The following GABRR2 variants were observed in gnomAD, a reference collection of about 807,000 sequenced individuals.
GABRR2 encodes the protein gamma-aminobutyric acid type A receptor subunit rho2, also known as gamma-aminobutyric acid receptor subunit rho-2.
In GABRR2, 36 loss-of-function variants were observed where a neutral mutation model predicts 47.0. The ratio of observed to expected loss-of-function variants is 0.77; its 90% CI spans 0.59 to 1.01. The LOEUF is 1.01. Ranked by LOEUF, GABRR2 falls within the 50% of genes least tolerant of loss-of-function variation. GABRR2 has a pLI of 0.00. For missense variants in GABRR2, 587 were observed against 594.6 expected (o/e 0.99, Z 0.13); for synonymous variants, 204 against 227.5 (o/e 0.90, Z 0.93).
chr6:89,267,570 A>G (rs1229403443), intron 6 of GABRR2, 109 bp downstream of exon 6: 4 of 1,176,540 alleles, frequency 3.4e-6, no homozygotes, highest in Non-Finnish European at 3.6e-6. Context: ...TTGTCTCAAA[A>G]CAAAAAACAA....
In GABRR2 at chr6:89,256,564, T is replaced by C. The variant is rs1773603460; in HGVS notation, c.*1106A>G. ...TATGCCCTTGGAATGTCCTGTGAGA[T>C]AGAAGGGTCTTTGTCTACTGGGGCC... On this transcript the variant is annotated 3_prime_UTR_variant, in exon 9 of 9. Transcript: ENST00000402938. 6.6e-6 allele frequency among the ~76,000 whole-genome samples: 1 copy of C among 152,174 alleles called. No homozygotes were observed. The highest frequency in any genetic ancestry group is 2.4e-5 in the African/African-American group (1 of 41,442).
At chr6:89,267,580 A>G (rs1773928195) in intron 6 of GABRR2, 99 bp downstream of exon 6, 1 of 1,222,162 alleles carries the variant, frequency 8.2e-7, no homozygotes. Context: ...ACAAAAAACA[A>G]AACACACACA....
At position 89,300,226 on chromosome 6, in the gene GABRR2, G is replaced by A. The variant is rs139758111; in HGVS notation, c.114-361C>T. Among the ~76,000 whole-genome samples, 128 of 152,228 alleles carry A rather than the reference G, an allele frequency of 8.4e-4. 2 individuals carry two copies. In the East Asian group the frequency reaches 0.023, roughly 28 times the overall value. On this transcript the variant is annotated intron_variant, in intron 1 of 8. Transcript: ENST00000402938. ...ATAAACACAATTAGAAATGAGAAAGGGGGCTAGGTGCAGTGGCTCACACCT... is the reference window on the plus strand; with the variant it reads ...ATAAACACAATTAGAAATGAGAAAGAGGGCTAGGTGCAGTGGCTCACACCT...
intron 6 of GABRR2, among the ~76,000 whole-genome samples, chr6:89,266,653 G>A (rs9451192): frequency 0.33 from 49,499 of 152,054 alleles, 8,484 homozygotes; most frequent in East Asian, 0.6. Flanking sequence ...CCAGGCGAGT[G>A]TACAGTTCAC....
intron 1 of GABRR2, among the ~76,000 whole-genome samples, chr6:89,301,274 A>G (rs1280348889): frequency 6.6e-6 from 1 of 152,170 alleles, no homozygotes; most frequent in African/African-American, 2.4e-5. Flanking sequence ...CGTCATACTA[A>G]ATGGGCAAAT....
At chr6:89,280,220 AT>A (rs1220784400) in intron 2 of GABRR2, among the ~76,000 whole-genome samples, 1 of 22,516 alleles carries the variant, frequency 4.4e-5, no homozygotes, top group Non-Finnish European at 8.8e-5. Context: ...AAATATATAT[AT>A]ATATATATAT....
At chr6:89,311,141 G>A (rs1767674704) in intron 1 of GABRR2, among the ~76,000 whole-genome samples, 1 of 152,196 alleles carries the variant, frequency 6.6e-6, no homozygotes, top group South Asian at 2.1e-4. Context: ...ACCGTGTGAG[G>A]TGCCACGTGC....
intron 2 of GABRR2, among the ~76,000 whole-genome samples, chr6:89,274,839 G>A (rs1163928493): frequency 1.3e-5 from 2 of 151,922 alleles, no homozygotes; most frequent in East Asian, 1.9e-4. Flanking sequence ...CTGCACTCCA[G>A]CATGGGCAAT....
intron 1 of GABRR2, among the ~76,000 whole-genome samples, chr6:89,300,745 C>CAAAAAAA (rs56360515): frequency 3.9e-5 from 3 of 76,406 alleles, no homozygotes; most frequent in African/African-American, 1.1e-4. Context: ...GCGTACCAAC[C>CAAAAAAA]AAAAAAAAAA....
Position 89,257,508 on chromosome 6 carries a change from T to C in GABRR2, c.*162A>G. ...CCACGGGGTCTGGGGTCAGGGCAGC[T>C]GGAAGGCTCCTGGGCTTCTCTGAGA... On this transcript the variant is annotated 3_prime_UTR_variant, in exon 9 of 9. Transcript: ENST00000402938. 1 of 634,186 alleles carries C rather than the reference T, an allele frequency of 1.6e-6. No individual in the cohort carries two copies. The highest frequency in any genetic ancestry group is 2.7e-6 in the Non-Finnish European group (1 of 368,946). 39.3% of individuals were successfully genotyped at this position (634,186 alleles called of 1,614,324 possible).
At chr6:89,275,569 A>G (rs1007345448) in intron 2 of GABRR2, among the ~76,000 whole-genome samples, 1 of 152,222 alleles carries the variant, frequency 6.6e-6, no homozygotes, top group African/African-American at 2.4e-5. Flanking sequence ...CCAATGTGCC[A>G]GAAGAAAAAC....
chr6:89,271,967 T>C (rs1013448187), intron 2 of GABRR2, among the ~76,000 whole-genome samples: 1 of 152,224 alleles, frequency 6.6e-6, no homozygotes, highest in South Asian at 2.1e-4. Context: ...TCCATGCTTA[T>C]TGGATGAATC....
Position 89,255,063 on chromosome 6 carries a change from GC to G in GABRR2, c.*2606del, listed in dbSNP as rs1406558180. 6.6e-6 allele frequency among the ~76,000 whole-genome samples: 1 copy of G among 152,222 alleles called. No individual in the cohort carries two copies. Among genetic ancestry groups the G allele is most frequent in the Non-Finnish European group, 1.5e-5 (1 of 68,042 alleles). On this transcript the variant is annotated 3_prime_UTR_variant, in exon 9 of 9. Coordinates refer to ENST00000402938, the MANE Select transcript of GABRR2 (RefSeq NM_002043.5). ...GGTTGGAATTAAATAAGACTTACAA[GC>G]AAAGCAATATGATATATTTAATGAC...
intron 2 of GABRR2, among the ~76,000 whole-genome samples, chr6:89,287,170 C>G (rs1397188958): frequency 1.3e-5 from 2 of 152,128 alleles, no homozygotes; most frequent in African/African-American, 4.8e-5. Flanking sequence ...ACTTGTAGTC[C>G]AGGGGTCAAA....
chr6:89,257,552 T>C lies in GABRR2; in HGVS notation c.*118A>G. The C allele has an allele frequency of 3.8e-6, 3 of 797,058 alleles. No individual in the cohort carries two copies. The highest frequency in any genetic ancestry group is 3.6e-5 in the South Asian group (2 of 55,156). The allele number at this position is 797,058 out of a possible 1,614,324, so 49.4% of individuals were successfully genotyped here. On this transcript the variant is annotated 3_prime_UTR_variant, in exon 9 of 9. Transcript: ENST00000402938. ...TCTGAGAGATGAGTGCTGCTCAGGGTGGTCCAGTAGCTGCTGCATTGTTTG... is the reference window on the plus strand; with the variant it reads ...TCTGAGAGATGAGTGCTGCTCAGGGCGGTCCAGTAGCTGCTGCATTGTTTG...
rs1308512160 is a variant in GABRR2, at chr6:89,292,758, T to TCTCTG, written c.220+7000_220+7001insCAGAG. 0.026 allele frequency among the ~76,000 whole-genome samples: 1,961 copies of TCTCTG among 76,140 alleles called. 483 individuals carry two copies. In the East Asian group the frequency reaches 0.29, roughly 11 times the overall value. 50.0% of individuals were successfully genotyped at this position (76,140 alleles called of 152,430 possible). Reference sequence around the variant, plus strand: ...ATCATATATAATCGTATATATCGTATATACGATATATCGTATATATCGTAT... The same window carrying TCTCTG: ...ATCATATATAATCGTATATATCGTATCTCTGATACGATATATCGTATATATCGTAT... On this transcript the variant is annotated intron_variant, in intron 2 of 8. Coordinates refer to ENST00000402938, the MANE Select transcript of GABRR2 (RefSeq NM_002043.5).
intron 2 of GABRR2, among the ~76,000 whole-genome samples, chr6:89,273,551 C>A (rs1223867442): frequency 6.6e-6 from 1 of 152,158 alleles, no homozygotes; most frequent in African/African-American, 2.4e-5. Context: ...TCTTTTTATT[C>A]CAGGCTCCAG....
chr6:89,302,680 A>G, intron 1 of GABRR2: 7 of 1,306,894 alleles, frequency 5.4e-6, no homozygotes, highest in Non-Finnish European at 7.4e-6. Flanking sequence ...CGCGACCGGC[A>G]CCACGGCTGC....
At position 89,299,835 on chromosome 6, in the gene GABRR2, G is replaced by C. The variant is rs376291859; in HGVS notation, c.144C>G (p.Thr48=). The change falls in exon 2 of 9, where the codon ACC becomes ACG. Residue 48 remains threonine, a synonymous_variant. Coordinates refer to ENST00000402938, the MANE Select transcript of GABRR2 (RefSeq NM_002043.5). ...SHLYKKNLDV[T]KIRKGKPQQL... ...GCTGAGGCTTTCCCTTCCGGATCTTGGTCACATCAAGGTTCTTCTTATATA... is the reference window on the plus strand; with the variant it reads ...GCTGAGGCTTTCCCTTCCGGATCTTCGTCACATCAAGGTTCTTCTTATATA... 1.2e-6 allele frequency: 2 copies of C among 1,613,626 alleles called. No individual in the cohort carries two copies. The highest frequency in any genetic ancestry group is 1.7e-5 in the Admixed American group (1 of 60,008).
Sources: gnomAD v4.1 joint callset for allele counts (sites outside exome capture counted in the v4.1 genomes callset) on GRCh38, gnomAD v4.1.1 for gene constraint, MANE v1.5 for transcripts, NCBI Gene and HGNC (gene_info 2026-07-23, HGNC 2026-07-21) for gene names.